Variants in MORF4L1 observed in about 807,000 individuals in gnomAD.
The protein encoded by MORF4L1 is mortality factor 4 like 1, also known as mortality factor 4-like protein 1.
Under a neutral mutation model 52.9 loss-of-function variants are expected in MORF4L1, and 4 were observed. The ratio of observed to expected loss-of-function variants is 0.08; its 90% confidence interval spans 0.04 to 0.17. MORF4L1 has a LOEUF of 0.17. Among genes scored for constraint, MORF4L1 ranks in the 10% least tolerant of loss-of-function variants. The pLI, the probability that MORF4L1 is intolerant of heterozygous loss-of-function variation, is 1.00. For synonymous variants in MORF4L1, 123 were observed against 134.8 expected, an observed-to-expected ratio of 0.91 and a Z score of 0.61; for missense variants, 214 against 390.4, an observed-to-expected ratio of 0.55 and a Z score of 3.81.
rs1018641431 is a variant in MORF4L1, at chr15:78,897,763, A to C, written c.*696A>C. 2.0e-5 allele frequency: 3 copies of C among 152,626 alleles called. No individual in the cohort carries two copies. The highest frequency in any genetic ancestry group is 7.2e-5 in the African/African-American group (3 of 41,434). The allele number at this position is 152,626 out of a possible 1,614,324, so 9.5% of individuals were successfully genotyped here. ...AATGTGCTTGTGTTGATGCCTTACA[A>C]AAACCATTGTATATTTGTGTATTCC... On this transcript the variant is annotated 3_prime_UTR_variant, in exon 12 of 12. Transcript: ENST00000426013.
intron 5 of MORF4L1, among the ~76,000 whole-genome samples, chr15:78,887,631 T>TG (rs754382979): frequency 1.7e-4 from 26 of 152,254 alleles, no homozygotes; most frequent in Non-Finnish European, 3.7e-4. Context: ...AGATAACTTT[T>TG]GGCAAGCCTT....
chr15:78,873,684 C>T (rs1001505133), intron 1 of MORF4L1: 1 of 154,034 alleles, frequency 6.5e-6, no homozygotes, highest in Non-Finnish European at 1.5e-5. Flanking sequence ...CGCCCCCTTC[C>T]ACGACGACCA....
chr15:78,887,998 C>T (rs888781540), intron 5 of MORF4L1, among the ~76,000 whole-genome samples: 3 of 152,216 alleles, frequency 2.0e-5, no homozygotes, highest in African/African-American at 7.2e-5. Context: ...AGGCTGACCT[C>T]CTGACCTCAG....
Position 78,893,400 on chromosome 15 carries a change from A to G in MORF4L1, c.541-139A>G, listed in dbSNP as rs547248744. Reference sequence around the variant, plus strand: ...CTGTAGTTTCTCAGCCACATTATCCATGTTTTAAGTGCTGAATAGTATCTT... The same window carrying G: ...CTGTAGTTTCTCAGCCACATTATCCGTGTTTTAAGTGCTGAATAGTATCTT... On this transcript the variant is annotated intron_variant, in intron 8 of 11. Coordinates refer to ENST00000426013, the MANE Select transcript of MORF4L1 (RefSeq NM_006791.4). 28 of 595,344 alleles carry G rather than the reference A, an allele frequency of 4.7e-5. 1 individual carries two copies. The highest frequency in any genetic ancestry group is 2.2e-4 in the South Asian group (11 of 49,428). 36.9% of individuals were successfully genotyped at this position (595,344 alleles called of 1,614,324 possible).
rs775078717 is a variant in MORF4L1, at chr15:78,886,241, G to T, written c.242+14G>T. 1 of 1,597,274 alleles carries T rather than the reference G, an allele frequency of 6.3e-7. No homozygotes were observed. Among genetic ancestry groups the T allele is most frequent in the South Asian group, 1.1e-5 (1 of 90,718 alleles). On this transcript the variant is annotated intron_variant, in intron 4 of 11. Coordinates refer to ENST00000426013, the MANE Select transcript of MORF4L1 (RefSeq NM_006791.4). ...AAAAGCCAATCAGTAAGTTTGTTTT[G>T]TGAACTGAATATTAAGGAGAAATGC... is the stretch of plus-strand genomic sequence containing the variant.
chr15:78,891,264 A>G, intron 6 of MORF4L1: 1 of 655,960 alleles, frequency 1.5e-6, no homozygotes, highest in Non-Finnish European at 2.6e-6. Context: ...ATTTATAAAT[A>G]AATGGAAGAT....
intron 11 of MORF4L1, among the ~76,000 whole-genome samples, chr15:78,895,573 A>C (rs1211722179): frequency 1.3e-5 from 2 of 152,226 alleles, no homozygotes; most frequent in Non-Finnish European, 2.9e-5. Context: ...GGGTGAGGTC[A>C]CTCTAAACAT....
intron 1 of MORF4L1, chr15:78,873,876 G>C (rs1357923387): frequency 6.6e-6 from 1 of 152,254 alleles, no homozygotes; most frequent in Non-Finnish European, 1.5e-5. Context: ...CTCGTAAAAA[G>C]TAAATAAAAA....
intron 1 of MORF4L1, among the ~76,000 whole-genome samples, chr15:78,874,751 C>G (rs1401488182): frequency 6.8e-6 from 1 of 147,118 alleles, no homozygotes; most frequent in Non-Finnish European, 1.5e-5. Context: ...TAATACCCCT[C>G]TCTCACCTTG....
chr15:78,874,082 T>C (rs1047034974), intron 1 of MORF4L1, among the ~76,000 whole-genome samples: 1 of 152,352 alleles, frequency 6.6e-6, no homozygotes, highest in Non-Finnish European at 1.5e-5. Flanking sequence ...AAGGCAGCTC[T>C]TTAAATTTTC....
At chr15:78,882,554 T>G (rs2056621630) in intron 3 of MORF4L1, among the ~76,000 whole-genome samples, 1 of 152,232 alleles carries the variant, frequency 6.6e-6, no homozygotes, top group African/African-American at 2.4e-5. Context: ...AACAATGCCT[T>G]GCTAAAACTG....
chr15:78,876,983 G>A (rs1596238781), intron 1 of MORF4L1, among the ~76,000 whole-genome samples: 1 of 151,844 alleles, frequency 6.6e-6, no homozygotes, highest in South Asian at 2.1e-4. Context: ...TCTCCCATCC[G>A]GGCTGGAGTG....
At chr15:78,877,699 A>C (rs1002112813) in intron 1 of MORF4L1, 1 of 152,350 alleles carries the variant, frequency 6.6e-6, no homozygotes, top group African/African-American at 2.4e-5. Context: ...CACCTAGAAC[A>C]TCATTCCACA....
At chr15:78,876,995 A>G (rs566611913) in intron 1 of MORF4L1, among the ~76,000 whole-genome samples, 1 of 151,872 alleles carries the variant, frequency 6.6e-6, no homozygotes, top group African/African-American at 2.4e-5. Flanking sequence ...GCTGGAGTGC[A>G]GTGGTGTGAT....
intron 11 of MORF4L1, among the ~76,000 whole-genome samples, 173 bp downstream of exon 11, chr15:78,895,077 GTA>G (rs1454642607): frequency 6.6e-6 from 1 of 152,174 alleles, no homozygotes; most frequent in African/African-American, 2.4e-5. Flanking sequence ...ATGATAGATG[GTA>G]TATAGATGAT....
Position 78,872,934 on chromosome 15 carries a change from C to G in MORF4L1, c.-84C>G. 6.6e-7 allele frequency: 1 copy of G among 1,507,964 alleles called. No homozygotes were observed. The highest frequency in any genetic ancestry group is 8.8e-7 in the Non-Finnish European group (1 of 1,130,202). The allele number at this position is 1,507,964 out of a possible 1,614,324, so 93.4% of individuals were successfully genotyped here. On this transcript the variant is annotated 5_prime_UTR_variant, in exon 1 of 12. Coordinates refer to ENST00000426013, the MANE Select transcript of MORF4L1 (RefSeq NM_006791.4). ...GAGCTGGCAGTGCCTGACGGCGCGT[C>G]TGACGCGGAGTTGGGTGGGGTAGAG...
At chr15:78,886,811 C>T (rs112557414) in intron 4 of MORF4L1, among the ~76,000 whole-genome samples, 2,925 of 152,046 alleles carry the variant, frequency 0.019, 92 homozygotes, top group African/African-American at 0.065. Flanking sequence ...AAAAATTAGC[C>T]GGGCATGGTG....
At chr15:78,879,802 T>C (rs1323557383) in intron 2 of MORF4L1, among the ~76,000 whole-genome samples, 1 of 152,100 alleles carries the variant, frequency 6.6e-6, no homozygotes, top group Admixed American at 6.5e-5. Context: ...TATGTCCTGT[T>C]AATCGTTTTT....
At chr15:78,873,467 C>G (rs1211944569) in intron 1 of MORF4L1, among the ~76,000 whole-genome samples, 1 of 152,020 alleles carries the variant, frequency 6.6e-6, no homozygotes, top group African/African-American at 2.4e-5. Flanking sequence ...CGCGCCCGGC[C>G]GCTTGGGCAG....
Sources: allele counts gnomAD v4.1 joint callset (sites outside exome capture counted in the v4.1 genomes callset), GRCh38; gene constraint gnomAD v4.1.1; transcripts MANE v1.5; gene names NCBI Gene and HGNC (gene_info 2026-07-23, HGNC 2026-07-21).